NLGN1: variants seen among roughly 807,000 people sequenced by gnomAD.
NLGN1 encodes neuroligin 1.
In NLGN1, 12 loss-of-function variants were observed where a neutral mutation model predicts 65.5. The observed-to-expected ratio is 0.18, with a 90% CI of 0.12 to 0.30. NLGN1 has a LOEUF of 0.30. NLGN1 is among the 10% of genes least tolerant of loss of function. NLGN1 has a pLI of 1.00. For missense variants in NLGN1, 750 were observed against 1,007.1 expected, an observed-to-expected ratio of 0.74 and a Z score of 3.46; for synonymous variants, 350 against 359.5, an observed-to-expected ratio of 0.97 and a Z score of 0.30.
At chr3:173,474,742 G>A (rs919623748) in intron 2 of NLGN1, among the ~76,000 whole-genome samples, 1 of 151,996 alleles carries the variant, frequency 6.6e-6, no homozygotes, top group Admixed American at 6.6e-5. Context: ...GGTGGATCAC[G>A]AGGTCAGGAG....
At chr3:173,805,749 T>C (rs1716502643) in intron 3 of NLGN1, among the ~76,000 whole-genome samples, 1 of 152,152 alleles carries the variant, frequency 6.6e-6, no homozygotes, top group Non-Finnish European at 1.5e-5. Flanking sequence ...AACAGTCAGT[T>C]AATGATTTCA....
At chr3:174,104,869 A>G (rs963947160) in intron 4 of NLGN1, among the ~76,000 whole-genome samples, 2 of 152,118 alleles carry the variant, frequency 1.3e-5, no homozygotes, top group African/African-American at 4.8e-5. Context: ...GTGAGATTAT[A>G]GAAGGTATTG....
chr3:174,134,625 G>A (rs13315608), intron 4 of NLGN1, among the ~76,000 whole-genome samples: 8,390 of 152,136 alleles, frequency 0.055, 297 homozygotes, highest in African/African-American at 0.086. Context: ...AGTAGTGAGA[G>A]AAACTTGATT....
chr3:174,209,878 G>A lies in NLGN1; in HGVS notation c.647-65437G>A, dbSNP rs752447251. Among the ~76,000 whole-genome samples the A allele has an allele frequency of 1.1e-4, 17 of 151,832 alleles. No individual in the cohort carries two copies. The East Asian group carries it at 1.8e-3, about 16-fold the overall frequency. On this transcript the variant is annotated intron_variant, in intron 4 of 6. Transcript: ENST00000457714. ...GAACTCCTAGCCTCGTGATCCACCC[G>A]TCTCGGCCTCCCAAAGTGCTGGGAT...
At chr3:173,902,856 G>T (rs987492458) in intron 4 of NLGN1, among the ~76,000 whole-genome samples, 1 of 152,106 alleles carries the variant, frequency 6.6e-6, no homozygotes, top group Non-Finnish European at 1.5e-5. Flanking sequence ...ACTACTGTGT[G>T]CCAGGCACTG....
intron 2 of NLGN1, among the ~76,000 whole-genome samples, chr3:173,576,126 T>C (rs1288024817): frequency 6.6e-6 from 1 of 152,130 alleles, no homozygotes. Flanking sequence ...ATTGATTATA[T>C]GTTGAAGTGA....
intron 3 of NLGN1, among the ~76,000 whole-genome samples, chr3:173,806,515 A>T (rs1716689279): frequency 6.6e-6 from 1 of 152,148 alleles, no homozygotes. Flanking sequence ...CATTTGATGT[A>T]ATTTTGTTTC....
intron 2 of NLGN1, among the ~76,000 whole-genome samples, chr3:173,507,765 G>A (rs1398123783): frequency 6.6e-6 from 1 of 151,858 alleles, no homozygotes; most frequent in Non-Finnish European, 1.5e-5. Flanking sequence ...GCTAAATATG[G>A]CCCACTTTTC....
intron 4 of NLGN1, among the ~76,000 whole-genome samples, chr3:174,155,687 G>T (rs2012482): frequency 0.37 from 55,440 of 151,356 alleles, 11,853 homozygotes; most frequent in African/African-American, 0.59. Flanking sequence ...GTAGCATATA[G>T]CATAAATTGC....
intron 4 of NLGN1, among the ~76,000 whole-genome samples, chr3:173,980,375 C>T (rs893300431): frequency 6.6e-6 from 1 of 151,800 alleles, no homozygotes; most frequent in East Asian, 1.9e-4. Flanking sequence ...TTCATTAAAT[C>T]GTAAAATTAT....
intron 2 of NLGN1, among the ~76,000 whole-genome samples, chr3:173,601,680 G>C (rs1479219795): frequency 2.0e-5 from 3 of 151,650 alleles, no homozygotes; most frequent in Non-Finnish European, 4.4e-5. Flanking sequence ...ATAGTTTGGG[G>C]TTTTTTTGGT....
intron 4 of NLGN1, among the ~76,000 whole-genome samples, chr3:174,009,854 T>C (rs895208340): frequency 1.3e-5 from 2 of 152,096 alleles, no homozygotes; most frequent in Non-Finnish European, 2.9e-5. Context: ...AAAGGGTAAG[T>C]AGGATTTCAA....
At chr3:174,115,125 G>GA (rs1165357928) in intron 4 of NLGN1, among the ~76,000 whole-genome samples, 1 of 152,048 alleles carries the variant, frequency 6.6e-6, no homozygotes, top group African/African-American at 2.4e-5. Context: ...TTTGATTTTT[G>GA]TACTTTCAAA....
intron 4 of NLGN1, among the ~76,000 whole-genome samples, chr3:173,951,328 G>A (rs544866007): frequency 5.9e-5 from 9 of 152,092 alleles, no homozygotes; most frequent in Non-Finnish European, 7.4e-5. Context: ...ATCAGACTCC[G>A]GTTAAGACCT....
intron 3 of NLGN1, among the ~76,000 whole-genome samples, chr3:173,618,451 G>A (rs1346354950): frequency 6.6e-6 from 1 of 151,916 alleles, no homozygotes; most frequent in Non-Finnish European, 1.5e-5. Flanking sequence ...CCTTCCTCGG[G>A]CTCCCAAAGT....
At chr3:174,020,299 AT>A (rs1162357882) in intron 4 of NLGN1, among the ~76,000 whole-genome samples, 4 of 152,096 alleles carry the variant, frequency 2.6e-5, no homozygotes, top group African/African-American at 9.7e-5. Flanking sequence ...AAAGACGAAA[AT>A]TTTAGGCTGA....
rs553207366 is a variant in NLGN1, at chr3:173,760,883, C to A, written c.494-46797C>A. 9.0e-4 allele frequency among the ~76,000 whole-genome samples: 137 copies of A among 152,100 alleles called. 1 individual carries two copies. The highest frequency in any genetic ancestry group is 3.3e-3 in the African/African-American group (136 of 41,550). On this transcript the variant is annotated intron_variant, in intron 3 of 6. Transcript: ENST00000457714. The stretch of plus-strand genomic sequence containing the variant: ...GACACAGCAACTAAAATTTCTAGCT[C>A]ATTAATATGTTAGTATCACAAAAAT...
chr3:174,191,898 C>T (rs1732455200), intron 4 of NLGN1, among the ~76,000 whole-genome samples: 1 of 152,098 alleles, frequency 6.6e-6, no homozygotes, highest in Non-Finnish European at 1.5e-5. Context: ...ATGAAATTTA[C>T]TTTAAGTAGG....
At chr3:173,842,348 G>A (rs893222708) in intron 4 of NLGN1, among the ~76,000 whole-genome samples, 17 of 151,938 alleles carry the variant, frequency 1.1e-4, no homozygotes, top group East Asian at 1.9e-4. Flanking sequence ...CTAATCTCAC[G>A]TCCTCCCATT....
Sources: gnomAD v4.1 joint callset for allele counts (sites outside exome capture counted in the v4.1 genomes callset) on GRCh38, gnomAD v4.1.1 for gene constraint, MANE v1.5 for transcripts, NCBI Gene and HGNC (gene_info 2026-07-23, HGNC 2026-07-21) for gene names.